Variants in COMMD10 observed in about 807,000 individuals in gnomAD.
The protein encoded by COMMD10 is COMM domain containing 10, also known as COMM domain-containing protein 10.
A neutral mutation model predicts 28.9 loss-of-function variants in COMMD10; 33 were observed. The observed-to-expected ratio is 1.14, with a 90% confidence interval of 0.87 to 1.53. The LOEUF is 1.53. Ranked by LOEUF, COMMD10 falls within the 40% of genes most tolerant of loss-of-function variation. The pLI is 0.00. For synonymous variants in COMMD10, 110 were observed against 81.7 expected, an observed-to-expected ratio of 1.35 and a Z score of -1.87; for missense variants, 310 against 233.4, an observed-to-expected ratio of 1.33 and a Z score of -2.14.
chr5:116,225,355 T>TTG (rs1491089809), intron 5 of COMMD10, among the ~76,000 whole-genome samples: 2 of 77,972 alleles, frequency 2.6e-5, no homozygotes, highest in African/African-American at 1.5e-4. Context: ...TTTTTGGGGA[T>TTG]TTTTTTTTTT....
At chr5:116,247,957 CTTAAAAG>C (rs144215379) in intron 5 of COMMD10, among the ~76,000 whole-genome samples, 4,165 of 151,970 alleles carry the variant, frequency 0.027, 174 homozygotes, top group African/African-American at 0.095. Flanking sequence ...TACCCCTGAA[CTTAAAAG>C]TTAAAAAGAT....
rs144587107 is a variant in COMMD10, at chr5:116,281,638, C to G, written c.511-9879C>G. Among the ~76,000 whole-genome samples the G allele has an allele frequency of 1.6e-3, 239 of 151,656 alleles. 5 individuals are homozygous for G. The highest frequency in any genetic ancestry group is 5.5e-3 in the African/African-American group (227 of 41,142). Reference sequence around the variant, plus strand: ...GAAGAGAGAAAGTCTTCCAGTTTCTCTATATTTAGTTAACAATATTAGTGA... The same window carrying G: ...GAAGAGAGAAAGTCTTCCAGTTTCTGTATATTTAGTTAACAATATTAGTGA... On this transcript the variant is annotated intron_variant, in intron 5 of 6. Transcript: ENST00000274458.
chr5:116,234,007 T>C (rs191162114), intron 5 of COMMD10, among the ~76,000 whole-genome samples: 4 of 152,140 alleles, frequency 2.6e-5, no homozygotes, highest in East Asian at 3.9e-4. Flanking sequence ...TAATCAAAAA[T>C]AGGAAGATCT....
intron 4 of COMMD10, among the ~76,000 whole-genome samples, chr5:116,113,102 T>C (rs1751110319): frequency 6.6e-6 from 1 of 152,194 alleles, no homozygotes; most frequent in Non-Finnish European, 1.5e-5. Flanking sequence ...ATACAATTCT[T>C]GGCTGACAGT....
chr5:116,132,170 T>C (rs1466096688), intron 4 of COMMD10, among the ~76,000 whole-genome samples: 1 of 151,990 alleles, frequency 6.6e-6, no homozygotes, highest in Non-Finnish European at 1.5e-5. Flanking sequence ...TTGGAAAATA[T>C]TTGAAAAATA....
rs1267598494 is a variant in COMMD10 at position 116,256,277 on chromosome 5, A to G, written c.511-35240A>G. Among the ~76,000 whole-genome samples the G allele has an allele frequency of 3.3e-5, 5 of 151,698 alleles. 1 individual carries two copies. Among genetic ancestry groups the G allele is most frequent in the African/African-American group, 4.9e-5 (2 of 41,124 alleles). On this transcript the variant is annotated intron_variant, in intron 5 of 6. Transcript: ENST00000274458. ...TCTTGAAGACTAGTGGAAACTTCAAATGGCAGTATCGAACTTCTGTTCCTT... is the reference window on the plus strand; with the variant it reads ...TCTTGAAGACTAGTGGAAACTTCAAGTGGCAGTATCGAACTTCTGTTCCTT...
rs1034549108 is a variant in COMMD10 at position 116,129,075 on chromosome 5, G to A, written c.400-4993G>A. ...TGACTATGTAAACATACAATTCCAC[G>A]TGAGACTTTCTCCACTTTGATTCAG... On this transcript the variant is annotated intron_variant, in intron 4 of 6. Coordinates refer to ENST00000274458, the MANE Select transcript of COMMD10 (RefSeq NM_016144.4). Among the ~76,000 whole-genome samples the A allele has an allele frequency of 3.3e-5, 5 of 151,682 alleles. No individual in the cohort carries two copies. In the Admixed American group the frequency reaches 3.3e-4, roughly 10 times the overall value.
At chr5:116,194,821 A>C (rs374884461) in intron 5 of COMMD10, among the ~76,000 whole-genome samples, 257 of 152,298 alleles carry the variant, frequency 1.7e-3, no homozygotes, top group African/African-American at 5.8e-3. Flanking sequence ...ATGTGAAGCT[A>C]GCATTACCCT....
At chr5:116,225,924 C>T (rs192477489) in intron 5 of COMMD10, among the ~76,000 whole-genome samples, 2 of 151,808 alleles carry the variant, frequency 1.3e-5, no homozygotes, top group East Asian at 1.9e-4. Flanking sequence ...ATTTGAGTCT[C>T]GTGCCTTCTG....
intron 5 of COMMD10, among the ~76,000 whole-genome samples, chr5:116,171,051 G>C (rs2416431): frequency 0.82 from 124,795 of 152,174 alleles, 51,350 homozygotes; most frequent in African/African-American, 0.84. Flanking sequence ...GAAAAGACTA[G>C]CTACAGAATG....
In COMMD10 at chr5:116,258,496, G is replaced by T. The variant is rs555545022; in HGVS notation, c.511-33021G>T. Among the ~76,000 whole-genome samples, 7 of 151,000 alleles carry T rather than the reference G, an allele frequency of 4.6e-5. No homozygotes were observed. The South Asian group carries it at 1.3e-3, about 27-fold the overall frequency. ...TTGATCATTTAATAATTCTTAGATT[G>T]TATCTGAAGGTATTAAACTAGCCTG... On this transcript the variant is annotated intron_variant, in intron 5 of 6. Transcript: ENST00000274458.
At chr5:116,181,788 A>C (rs73257204) in intron 5 of COMMD10, among the ~76,000 whole-genome samples, 18,303 of 152,056 alleles carry the variant, frequency 0.12, 1,640 homozygotes, top group African/African-American at 0.26. Context: ...GATCTTGCTT[A>C]TCACAGTAGT....
At chr5:116,169,558 A>G in intron 5 of COMMD10, among the ~76,000 whole-genome samples, 1 of 152,180 alleles carries the variant, frequency 6.6e-6, no homozygotes, top group Middle Eastern at 3.2e-3. Context: ...TCAGGCCAAC[A>G]TCCCTGATGA....
chr5:116,225,057 T>G (rs1460684675), intron 5 of COMMD10, among the ~76,000 whole-genome samples: 1 of 152,156 alleles, frequency 6.6e-6, no homozygotes, highest in Admixed American at 6.6e-5. Flanking sequence ...TTGTACTGAT[T>G]CTTTTGCCAT....
At chr5:116,131,741 T>C (rs1396044260) in intron 4 of COMMD10, among the ~76,000 whole-genome samples, 1 of 151,890 alleles carries the variant, frequency 6.6e-6, no homozygotes, top group Admixed American at 6.6e-5. Flanking sequence ...ATTATTGCAA[T>C]ACACTGATCT....
At chr5:116,186,572 G>C (rs562444026) in intron 5 of COMMD10, among the ~76,000 whole-genome samples, 1 of 152,208 alleles carries the variant, frequency 6.6e-6, no homozygotes, top group South Asian at 2.1e-4. Context: ...AACTGGCTGA[G>C]TTCTCCTACT....
At position 116,091,145 on chromosome 5, in the gene COMMD10, G is replaced by T; in HGVS notation, c.199G>T (p.Asp67Tyr). The change falls in exon 3 of 7, where the codon GAT (aspartate) becomes TAT (tyrosine). Residue 67 changes from aspartate (D) to tyrosine (Y), a missense_variant. Asp to Tyr is a radical substitution (Grantham distance 160). Coordinates refer to ENST00000274458, the MANE Select transcript of COMMD10 (RefSeq NM_016144.4). ...LQAAFSLEKQ[D>Y]LHLVLETISF... is the part of the protein sequence containing the mutation. ...AGCGGCATTTTCTCTAGAGAAACAAGATCTTCACCTAGTTCTTGAAACAAT... is the reference window on the plus strand; with the variant it reads ...AGCGGCATTTTCTCTAGAGAAACAATATCTTCACCTAGTTCTTGAAACAAT... 6.2e-7 allele frequency: 1 copy of T among 1,610,424 alleles called. No individual in the cohort carries two copies. The highest frequency in any genetic ancestry group is 8.5e-7 in the Non-Finnish European group (1 of 1,177,950).
chr5:116,249,404 T>G (rs991192954), intron 5 of COMMD10, among the ~76,000 whole-genome samples: 1 of 151,934 alleles, frequency 6.6e-6, no homozygotes, highest in Non-Finnish European at 1.5e-5. Flanking sequence ...AATGAAAGAT[T>G]TTAATTAATC....
At chr5:116,273,471 C>G (rs1293513855) in intron 5 of COMMD10, among the ~76,000 whole-genome samples, 1 of 151,758 alleles carries the variant, frequency 6.6e-6, no homozygotes, top group Non-Finnish European at 1.5e-5. Flanking sequence ...AACAATTCTA[C>G]AAAACAATTT....
Sources: allele counts gnomAD v4.1 joint callset (sites outside exome capture counted in the v4.1 genomes callset), GRCh38; gene constraint gnomAD v4.1.1; transcripts MANE v1.5; gene names NCBI Gene and HGNC (gene_info 2026-07-23, HGNC 2026-07-21).